LHFPL3: variants seen among roughly 807,000 people sequenced by gnomAD.
LHFPL3 encodes LHFPL tetraspan subfamily member 3, also known as LHFPL tetraspan subfamily member 3 protein.
LHFPL3 carries 5 observed loss-of-function variants against 19.3 expected under a neutral mutation model. The observed-to-expected ratio is 0.26, with a 90% CI of 0.14 to 0.54. The LOEUF (loss-of-function observed/expected upper bound fraction) is 0.54, where lower values mean the gene tolerates loss of function less well. LHFPL3 is among the 20% of genes least tolerant of loss of function. LHFPL3 has a pLI of 0.94. For missense variants in LHFPL3, 249 were observed against 307.4 expected (o/e 0.81, Z 1.42); for synonymous variants, 133 against 126.2 (o/e 1.05, Z -0.36).
intron 1 of LHFPL3, among the ~76,000 whole-genome samples, chr7:104,664,563 TA>T (rs2116002789): frequency 6.6e-6 from 1 of 152,308 alleles, no homozygotes; most frequent in Admixed American, 6.5e-5. Context: ...GTCCAGATAG[TA>T]AATATTTTAG....
rs1562890941 is a variant in LHFPL3 at position 104,417,868 on chromosome 7, TC to T, written c.445+88645del. 4.9e-3 allele frequency among the ~76,000 whole-genome samples: 635 copies of T among 129,452 alleles called. 46 individuals are homozygous for T. The East Asian group carries it at 0.12, about 24-fold the overall frequency. 84.9% of individuals were successfully genotyped at this position (129,452 alleles called of 152,430 possible). A position where few individuals can be genotyped will look rare whatever the true frequency, so the allele number is the denominator to read the frequency against. ...TATTTTCTTTTCTAATTCTTCTTCT[TC>T]TTCTTCTTCTTCTTCTTTTTTTTTT... On this transcript the variant is annotated intron_variant, in intron 1 of 2. Transcript: ENST00000424859.
At chr7:104,810,635 A>G (rs538885110) in intron 2 of LHFPL3, among the ~76,000 whole-genome samples, 3 of 152,248 alleles carry the variant, frequency 2.0e-5, no homozygotes, top group Middle Eastern at 6.8e-3. Flanking sequence ...TGCCCATATC[A>G]TTTTTTGTCC....
intron 1 of LHFPL3, among the ~76,000 whole-genome samples, chr7:104,537,921 C>G (rs893790760): frequency 6.6e-6 from 1 of 152,166 alleles, no homozygotes; most frequent in Admixed American, 6.5e-5. Context: ...AAAGGCTACT[C>G]TGAAGCCAGG....
chr7:104,634,212 A>G (rs1460659493), intron 1 of LHFPL3, among the ~76,000 whole-genome samples: 2 of 152,164 alleles, frequency 1.3e-5, no homozygotes, highest in Admixed American at 6.5e-5. Flanking sequence ...CATAGCAAAT[A>G]CCATATGGCA....
At chr7:104,492,356 C>T (rs1343872864) in intron 1 of LHFPL3, among the ~76,000 whole-genome samples, 1 of 152,146 alleles carries the variant, frequency 6.6e-6, no homozygotes, top group Admixed American at 6.5e-5. Context: ...GACCAACTTG[C>T]CTTAAGTTAC....
chr7:104,462,073 G>A (rs1792675410), intron 1 of LHFPL3, among the ~76,000 whole-genome samples: 1 of 152,182 alleles, frequency 6.6e-6, no homozygotes, highest in African/African-American at 2.4e-5. Flanking sequence ...GAATGCTACT[G>A]AATTTTGTAC....
At chr7:104,780,807 C>T (rs1485385131) in intron 2 of LHFPL3, among the ~76,000 whole-genome samples, 1 of 152,182 alleles carries the variant, frequency 6.6e-6, no homozygotes, top group Non-Finnish European at 1.5e-5. Context: ...TCCACGCAAG[C>T]CACATCCTGC....
chr7:104,543,937 C>T (rs1446365075), intron 1 of LHFPL3, among the ~76,000 whole-genome samples: 1 of 141,634 alleles, frequency 7.1e-6, no homozygotes, highest in Non-Finnish European at 1.5e-5. Context: ...AATAATAAAA[C>T]CTAGATGACA....
At chr7:104,640,215 C>A (rs1488552482) in intron 1 of LHFPL3, among the ~76,000 whole-genome samples, 1 of 152,160 alleles carries the variant, frequency 6.6e-6, no homozygotes, top group East Asian at 1.9e-4. Flanking sequence ...ATCAACCCAT[C>A]ATCTAGGTTT....
chr7:104,728,229 C>G (rs1461396854), intron 1 of LHFPL3, among the ~76,000 whole-genome samples: 4 of 152,116 alleles, frequency 2.6e-5, no homozygotes, highest in African/African-American at 9.7e-5. Flanking sequence ...AGCCATGTAC[C>G]TGCTAAAAAG....
At chr7:104,574,279 T>TC (rs1481652501) in intron 1 of LHFPL3, among the ~76,000 whole-genome samples, 2 of 152,188 alleles carry the variant, frequency 1.3e-5, no homozygotes, top group African/African-American at 4.8e-5. Context: ...GTCACATCAG[T>TC]CCACCAGCAT....
intron 1 of LHFPL3, among the ~76,000 whole-genome samples, chr7:104,626,221 A>C (rs779753895): frequency 6.6e-6 from 1 of 152,162 alleles, no homozygotes; most frequent in Non-Finnish European, 1.5e-5. Flanking sequence ...AGAGTGTGCT[A>C]TGTGTGACTC....
intron 2 of LHFPL3, chr7:104,743,991 C>T (rs1283677692): frequency 1.3e-5 from 2 of 151,922 alleles, no homozygotes; most frequent in African/African-American, 4.8e-5. Context: ...GCACACACCA[C>T]CACACCCTGC....
intron 2 of LHFPL3, among the ~76,000 whole-genome samples, chr7:104,872,252 G>A (rs1307323269): frequency 1.3e-5 from 2 of 151,658 alleles, no homozygotes; most frequent in Admixed American, 6.6e-5. Flanking sequence ...CAGGAGAATC[G>A]CTTGAACCCG....
intron 2 of LHFPL3, among the ~76,000 whole-genome samples, chr7:104,842,295 TG>T (rs1243174669): frequency 4.6e-3 from 20 of 4,332 alleles, no homozygotes; most frequent in South Asian, 0.026. Context: ...TTTGCGGGGG[TG>T]GGGGGGTGGG....
intron 1 of LHFPL3, among the ~76,000 whole-genome samples, chr7:104,468,149 G>T (rs1231708216): frequency 1.3e-5 from 2 of 152,206 alleles, no homozygotes; most frequent in Non-Finnish European, 2.9e-5. Flanking sequence ...CAACCCGGAG[G>T]TCAGGAAGCT....
intron 1 of LHFPL3, among the ~76,000 whole-genome samples, chr7:104,561,352 GA>G (rs1482446499): frequency 6.7e-6 from 1 of 150,024 alleles, no homozygotes; most frequent in Non-Finnish European, 1.5e-5. Flanking sequence ...CTTGCTTTAT[GA>G]ATCTTGGTGC....
At chr7:104,506,280 A>G (rs35345696) in intron 1 of LHFPL3, among the ~76,000 whole-genome samples, 20,915 of 151,560 alleles carry the variant, frequency 0.14, 1,569 homozygotes, top group East Asian at 0.2. Context: ...CAATACCTCA[A>G]AGTATACTAA....
At chr7:104,577,607 G>C (rs1009553822) in intron 1 of LHFPL3, among the ~76,000 whole-genome samples, 1 of 152,090 alleles carries the variant, frequency 6.6e-6, no homozygotes, top group African/African-American at 2.4e-5. Context: ...TCTTATTAAA[G>C]TTATTAAACC....
Sources: gnomAD v4.1 joint callset for allele counts (sites outside exome capture counted in the v4.1 genomes callset) on GRCh38, gnomAD v4.1.1 for gene constraint, MANE v1.5 for transcripts, NCBI Gene and HGNC (gene_info 2026-07-23, HGNC 2026-07-21) for gene names.